Variants in PIP5K1A observed in about 807,000 individuals in gnomAD.
The protein encoded by PIP5K1A is phosphatidylinositol-4-phosphate 5-kinase type 1 alpha, also known as phosphatidylinositol 4-phosphate 5-kinase type-1 alpha.
Under a neutral mutation model 72.9 loss-of-function variants are expected in PIP5K1A, and 46 were observed. The observed-to-expected ratio is 0.63, with a 90% CI of 0.50 to 0.81. The LOEUF is 0.81. Ranked by LOEUF, PIP5K1A falls within the 30% of genes least tolerant of loss-of-function variation. PIP5K1A has a pLI of 0.00. For missense variants in PIP5K1A, 458 were observed against 706.1 expected, an observed-to-expected ratio of 0.65 and a Z score of 3.98; for synonymous variants, 228 against 255.1, an observed-to-expected ratio of 0.89 and a Z score of 1.01.
chr1:151,233,529 C>G (rs1690413538), intron 7 of PIP5K1A: 2 of 152,224 alleles, frequency 1.3e-5, no homozygotes, highest in South Asian at 4.1e-4. Context: ...GTCTTGAACT[C>G]CTGACCTCAT....
chr1:151,247,168 C>G (rs1048640241), intron 15 of PIP5K1A, among the ~76,000 whole-genome samples: 2 of 151,970 alleles, frequency 1.3e-5, no homozygotes, highest in Non-Finnish European at 2.9e-5. Context: ...CACTCTGTTG[C>G]CCAGGCTGGA....
intron 7 of PIP5K1A, among the ~76,000 whole-genome samples, chr1:151,233,064 C>T (rs1207415256): frequency 6.9e-6 from 1 of 144,652 alleles, no homozygotes; most frequent in Non-Finnish European, 1.5e-5. Context: ...CCTGCCACTG[C>T]ACTCCAGCCT....
intron 10 of PIP5K1A, 144 bp from the exon 11 acceptor site, chr1:151,238,986 A>G: frequency 1.7e-6 from 1 of 605,718 alleles, no homozygotes; most frequent in Non-Finnish European, 2.9e-6. Context: ...TGTTCTTGGG[A>G]AAACCAGTGT....
intron 1 of PIP5K1A, among the ~76,000 whole-genome samples, chr1:151,206,165 C>G (rs755561607): frequency 6.6e-5 from 10 of 152,116 alleles, no homozygotes; most frequent in Non-Finnish European, 1.5e-4. Context: ...TCCCTCAACC[C>G]CTCCATCTTT....
intron 1 of PIP5K1A, among the ~76,000 whole-genome samples, chr1:151,203,065 G>A (rs981788815): frequency 2.6e-5 from 4 of 152,032 alleles, no homozygotes; most frequent in Admixed American, 2.0e-4. Flanking sequence ...AGCCGCCGCC[G>A]CTGGCCTTAC....
rs1167522075 is a variant in PIP5K1A at position 151,232,714 on chromosome 1, G to C, written c.639+11G>C. The C allele has an allele frequency of 1.5e-5, 24 of 1,612,170 alleles. No individual in the cohort carries two copies. The highest frequency in any genetic ancestry group is 2.0e-5 in the Non-Finnish European group (23 of 1,179,068). On this transcript the variant is annotated intron_variant, in intron 7 of 15. Coordinates refer to ENST00000368888, the MANE Select transcript of PIP5K1A (RefSeq NM_001135638.2). ...CCAGGATACTACATGGTAAGGGAGA[G>C]AGAAGCACTGTCCACCTGTGCTGCT... is the stretch of plus-strand genomic sequence containing the variant.
Position 151,242,964 on chromosome 1 carries a change from C to T in PIP5K1A, c.1640+397C>T, listed in dbSNP as rs1691977356. ...CTACATGGACTTCTCCATAGGACAG[C>T]TCAGAACATGGCACCTGGGCTATCT... On this transcript the variant is annotated intron_variant, in intron 14 of 15. Coordinates refer to ENST00000368888, the MANE Select transcript of PIP5K1A (RefSeq NM_001135638.2). Among the ~76,000 whole-genome samples, 3 of 152,218 alleles carry T rather than the reference C, an allele frequency of 2.0e-5. No individual in the cohort carries two copies. The South Asian group carries it at 6.2e-4, about 32-fold the overall frequency.
chr1:151,242,036 TG>T (rs1691804337), intron 12 of PIP5K1A, 86 bp from the exon 13 acceptor site: 2 of 1,385,514 alleles, frequency 1.4e-6, no homozygotes, highest in Non-Finnish European at 2.0e-6. Context: ...GGGTGTGTGT[TG>T]GGGATACTAG....
chr1:151,239,377 A>G (rs1220400850), intron 11 of PIP5K1A, among the ~76,000 whole-genome samples, 199 bp downstream of exon 11: 2 of 150,002 alleles, frequency 1.3e-5, no homozygotes, highest in East Asian at 3.9e-4. Context: ...GTTTCAAGTG[A>G]TTCTCCTGCC....
intron 15 of PIP5K1A, 83 bp downstream of exon 15, chr1:151,247,048 G>T (rs1692606129): frequency 2.4e-6 from 2 of 847,190 alleles, no homozygotes; most frequent in Non-Finnish European, 3.7e-6. Flanking sequence ...GAAGTTAATT[G>T]TCAAGATTAG....
chr1:151,240,361 T>C (rs1691507874), intron 12 of PIP5K1A: 1 of 324,436 alleles, frequency 3.1e-6, no homozygotes, highest in African/African-American at 2.3e-5. Context: ...AGGCAGAGCC[T>C]ATGTACAGAG....
intron 1 of PIP5K1A, among the ~76,000 whole-genome samples, chr1:151,209,501 A>G (rs1433496518): frequency 6.9e-6 from 1 of 145,160 alleles, no homozygotes; most frequent in African/African-American, 2.6e-5. Flanking sequence ...GTGCAATGGC[A>G]TGATCTCTGC....
chr1:151,219,723 G>A (rs1406387463), intron 1 of PIP5K1A, among the ~76,000 whole-genome samples: 1 of 151,868 alleles, frequency 6.6e-6, no homozygotes, highest in African/African-American at 2.4e-5. Context: ...TGGAAAGTAG[G>A]CCTTGTGCGG....
chr1:151,201,235 A>G (rs587735541), intron 1 of PIP5K1A, among the ~76,000 whole-genome samples: 68 of 152,186 alleles, frequency 4.5e-4, no homozygotes, highest in Middle Eastern at 6.8e-3. Flanking sequence ...CCATAAACAA[A>G]CTTCTCAACT....
chr1:151,232,520 A>G (rs767988316), intron 6 of PIP5K1A, 31 bp from the exon 7 acceptor site: 1 of 1,589,190 alleles, frequency 6.3e-7, no homozygotes, highest in Admixed American at 1.8e-5. Context: ...TGATGTGTCT[A>G]AATCTCTTAG....
Position 151,225,934 on chromosome 1 carries a change from G to A in PIP5K1A, c.157-1386G>A, listed in dbSNP as rs368468949. On this transcript the variant is annotated intron_variant, in intron 3 of 15. Coordinates refer to ENST00000368888, the MANE Select transcript of PIP5K1A (RefSeq NM_001135638.2). ...TGGGATTAGAGATGCACGCCACCAC[G>A]CCAGGCAAATTTTTTGTATTTTTAG... 2.3e-4 allele frequency among the ~76,000 whole-genome samples: 35 copies of A among 151,400 alleles called. 1 individual carries two copies. The highest frequency in any genetic ancestry group is 8.2e-4 in the African/African-American group (34 of 41,288).
At chr1:151,210,671 C>G (rs587775786) in intron 1 of PIP5K1A, among the ~76,000 whole-genome samples, 1 of 152,042 alleles carries the variant, frequency 6.6e-6, no homozygotes, top group Non-Finnish European at 1.5e-5. Context: ...TGCAGCCTCC[C>G]GTCTCCTGGG....
intron 1 of PIP5K1A, among the ~76,000 whole-genome samples, chr1:151,205,441 T>C (rs939575885): frequency 6.6e-6 from 1 of 151,834 alleles, no homozygotes; most frequent in Non-Finnish European, 1.5e-5. Flanking sequence ...TTCCCAAAGT[T>C]CTGAGATTAC....
At chr1:151,220,732 G>T (rs1688296689) in intron 1 of PIP5K1A, among the ~76,000 whole-genome samples, 1 of 152,192 alleles carries the variant, frequency 6.6e-6, no homozygotes, top group Non-Finnish European at 1.5e-5. Flanking sequence ...CTTCCAAAGT[G>T]CTGGGATTAC....
Sources: allele counts gnomAD v4.1 joint callset (sites outside exome capture counted in the v4.1 genomes callset), GRCh38; gene constraint gnomAD v4.1.1; transcripts MANE v1.5; gene names NCBI Gene and HGNC (gene_info 2026-07-23, HGNC 2026-07-21).